Variants in ENTPD4 observed in about 807,000 individuals in gnomAD.
The protein encoded by ENTPD4 is Golgi UDPase.
In ENTPD4, 60 loss-of-function variants were observed where a neutral mutation model predicts 79.1. The ratio of observed to expected loss-of-function variants is 0.76; its 90% CI spans 0.62 to 0.94. The LOEUF (loss-of-function observed/expected upper bound fraction) is 0.94, where lower values mean the gene tolerates loss of function less well. Among genes scored for constraint, ENTPD4 ranks in the 40% least tolerant of loss-of-function variants. ENTPD4 has a pLI of 0.00. For missense variants in ENTPD4, 772 were observed against 775.1 expected (o/e 1.00, Z 0.05); for synonymous variants, 276 against 292.0 (o/e 0.95, Z 0.56).
At chr8:23,433,569 A>G (rs1800500722) in intron 12 of ENTPD4, among the ~76,000 whole-genome samples, 1 of 152,186 alleles carries the variant, frequency 6.6e-6, no homozygotes, top group South Asian at 2.1e-4. Context: ...TGTCTCATCT[A>G]TCAGGTAACT....
chr8:23,441,452 C>G, intron 8 of ENTPD4, 117 bp downstream of exon 8: 4 of 1,503,776 alleles, frequency 2.7e-6, no homozygotes, highest in Non-Finnish European at 3.5e-6. Flanking sequence ...GGTTGAGAGG[C>G]GGCACCTCAG....
rs565281949 is a variant in ENTPD4, at chr8:23,433,067, G to A, written c.1710C>T (p.Cys570=). ...FVYNHYLFSG[C]FLVVLLAILL... ...GGATGGCCAGCAGCACCACCAGGAA[G>A]CAGCCAGAGAACAGGTAGTGGTTGT... is the stretch of plus-strand genomic sequence containing the variant. The change falls in exon 13 of 13, where the codon TGC becomes TGT. Residue 570 remains cysteine (C), a synonymous_variant. Coordinates refer to ENST00000358689, the MANE Select transcript of ENTPD4 (RefSeq NM_004901.5). 125 of 1,614,190 alleles carry A rather than the reference G, an allele frequency of 7.7e-5. 1 individual carries two copies. The South Asian group carries it at 1.3e-3, about 16-fold the overall frequency.
intron 1 of ENTPD4, among the ~76,000 whole-genome samples, chr8:23,451,858 A>G (rs1800868583): frequency 6.6e-6 from 1 of 152,302 alleles, no homozygotes; most frequent in African/African-American, 2.4e-5. Flanking sequence ...CACCTGATCA[A>G]TAACTGCAAT....
In ENTPD4 at chr8:23,432,508, T is replaced by G; in HGVS notation, c.*418A>C. ...AGCAGGGCTTATAAACAATGCATTTTTTTTTTTTGAGACGGAGTCTCACTC... is the reference window on the plus strand; with the variant it reads ...AGCAGGGCTTATAAACAATGCATTTGTTTTTTTTGAGACGGAGTCTCACTC... On this transcript the variant is annotated 3_prime_UTR_variant, in exon 13 of 13. Transcript: ENST00000358689. The G allele has an allele frequency of 1.0e-6, 1 of 991,644 alleles. No homozygotes were observed. The highest frequency in any genetic ancestry group is 1.2e-6 in the Non-Finnish European group (1 of 834,072). The allele number at this position is 991,644 out of a possible 1,614,324, so 61.4% of individuals were successfully genotyped here.
intron 12 of ENTPD4, 131 bp from the exon 13 acceptor site, chr8:23,433,285 G>C: frequency 2.9e-6 from 2 of 694,758 alleles, no homozygotes; most frequent in Admixed American, 5.2e-5. Context: ...CTCTGAAATG[G>C]AGAACGGAAC....
intron 8 of ENTPD4, chr8:23,441,307 C>A (rs1800664292): frequency 2.2e-6 from 1 of 449,618 alleles, no homozygotes; most frequent in Non-Finnish European, 2.9e-6. Context: ...AAAATATAAA[C>A]TGAAACTCAA....
chr8:23,439,876 C>A lies in ENTPD4; in HGVS notation c.922G>T (p.Gly308Ter). The change falls in exon 9 of 13, where the codon GGA becomes TGA. Residue 308 changes from glycine (G) to a stop codon, truncating the protein, a stop_gained. Transcript: ENST00000358689. LOFTEE classifies it high-confidence loss of function. ...AKNLLAEFNL[G>*]CDVHQTEHVY... ...TGCTCAGTTTGGTGAACATCACATC[C>A]CAAGTTAAATTCAGCTAACAAGTTT... 6.2e-7 allele frequency: 1 copy of A among 1,614,094 alleles called. No individual in the cohort carries two copies. Among genetic ancestry groups the A allele is most frequent in the Non-Finnish European group, 8.5e-7 (1 of 1,179,972 alleles).
At position 23,448,941 on chromosome 8, in the gene ENTPD4, T is replaced by C. The variant is rs200226539; in HGVS notation, c.9-2A>G. 1.2e-6 allele frequency: 2 copies of C among 1,611,326 alleles called. No individual in the cohort carries two copies. The highest frequency in any genetic ancestry group is 1.3e-5 in the African/African-American group (1 of 74,856). Reference sequence around the variant, plus strand: ...GGAAAAAGACAGGAGATGCCAATCCTGAAATTAGAAGGAAAAAGATTTTAA... The same window carrying C: ...GGAAAAAGACAGGAGATGCCAATCCCGAAATTAGAAGGAAAAAGATTTTAA... On this transcript the variant is annotated splice_acceptor_variant, in intron 2 of 12. Transcript: ENST00000358689. LOFTEE classifies it high-confidence loss of function.
rs1367361535 is a variant in ENTPD4, at chr8:23,433,130, T to C, written c.1647A>G (p.Arg549=). 5 of 1,614,026 alleles carry C rather than the reference T, an allele frequency of 3.1e-6. No individual in the cohort carries two copies. In the Admixed American group the frequency reaches 8.3e-5, roughly 27 times the overall value. ...CGCCCCGCCAGTGGGTGTGACTGGC[T>C]CGGAAGGCCTCCTGCTGGATGTCTC... ...PLRDIQQEAF[R]ASHTHWRGVS... is the part of the protein sequence containing the mutation. Residue 549 remains arginine, a synonymous_variant, in exon 13 of 13, where the codon CGA becomes CGG. Transcript: ENST00000358689.
rs1800525852 is a variant in ENTPD4, at chr8:23,434,717, CATA to C, written c.1461-242_1461-240del. On this transcript the variant is annotated intron_variant, in intron 11 of 12. Transcript: ENST00000358689. ...AATCAGTGCATGAACCCGGTCTCGG[CATA>C]ATGTCATATATCCCTGAGATAGGTT... The C allele has an allele frequency of 2.2e-6, 3 of 1,338,426 alleles. 1 individual carries two copies. Among genetic ancestry groups the C allele is most frequent in the Middle Eastern group, 5.7e-4 (2 of 3,522 alleles). 82.9% of individuals were successfully genotyped at this position (1,338,426 alleles called of 1,614,324 possible).
rs1174555422 is a variant in ENTPD4 at position 23,432,853 on chromosome 8, G to A, written c.*73C>T. ...AAGGGAAAGAAAAAACAAAACCACA[G>A]GAAAATAAAGAGGAGAAACCCTGAG... On this transcript the variant is annotated 3_prime_UTR_variant, in exon 13 of 13. Transcript: ENST00000358689. 2 of 1,466,440 alleles carry A rather than the reference G, an allele frequency of 1.4e-6. No homozygotes were observed. Among genetic ancestry groups the A allele is most frequent in the Non-Finnish European group, 1.8e-6 (2 of 1,107,444 alleles). The allele number at this position is 1,466,440 out of a possible 1,614,324, so 90.8% of individuals were successfully genotyped here. A position where few individuals can be genotyped will look rare whatever the true frequency, so the allele number is the denominator to read the frequency against.
Position 23,429,527 on chromosome 8 carries a change from AT to A in ENTPD4, c.*3398del, listed in dbSNP as rs1216130656. ...CTGACCGCAGAGAATTCTAAAGCTG[AT>A]TTTTTTCTTAAAGGATGAAAAACTC... is the stretch of plus-strand genomic sequence containing the variant. On this transcript the variant is annotated 3_prime_UTR_variant, in exon 13 of 13. Transcript: ENST00000358689. 14 of 985,268 alleles carry A rather than the reference AT, an allele frequency of 1.4e-5. No individual in the cohort carries two copies. Among genetic ancestry groups the A allele is most frequent in the Admixed American group, 6.2e-5 (1 of 16,260 alleles). 61.0% of individuals were successfully genotyped at this position (985,268 alleles called of 1,614,324 possible). A position where few individuals can be genotyped will look rare whatever the true frequency, so the allele number is the denominator to read the frequency against.
chr8:23,440,886 C>T (rs918828241), intron 8 of ENTPD4, among the ~76,000 whole-genome samples: 2 of 152,236 alleles, frequency 1.3e-5, no homozygotes, highest in Non-Finnish European at 2.9e-5. Context: ...CCAGGCCTGT[C>T]TAGCTCCACG....
intron 10 of ENTPD4, 82 bp from the exon 11 acceptor site, chr8:23,435,559 T>C: frequency 1.0e-6 from 1 of 975,792 alleles, no homozygotes; most frequent in Non-Finnish European, 1.6e-6. Context: ...CAAATTTATA[T>C]TTGTAACAAG....
chr8:23,450,797 C>T (rs1441105044), intron 1 of ENTPD4, among the ~76,000 whole-genome samples: 1 of 152,170 alleles, frequency 6.6e-6, no homozygotes, highest in African/African-American at 2.4e-5. Context: ...CTCTTCTACA[C>T]TTTTTCAACA....
intron 5 of ENTPD4, 105 bp downstream of exon 5, chr8:23,444,351 A>AATGATG (rs957079818): frequency 4.0e-6 from 4 of 992,650 alleles, no homozygotes; most frequent in Non-Finnish European, 6.1e-6. Flanking sequence ...TTTTCCTTTC[A>AATGATG]ATGATGATGA....
At chr8:23,456,533 C>G (rs1038141394) in intron 1 of ENTPD4, among the ~76,000 whole-genome samples, 1 of 152,186 alleles carries the variant, frequency 6.6e-6, no homozygotes, top group African/African-American at 2.4e-5. Context: ...CCTCAAGGGC[C>G]TCAGTCACAC....
chr8:23,449,973 G>T lies in ENTPD4; in HGVS notation c.-73C>A. On this transcript the variant is annotated 5_prime_UTR_variant, in exon 2 of 13. Coordinates refer to ENST00000358689, the MANE Select transcript of ENTPD4 (RefSeq NM_004901.5). ...ACAAACAATTATAGAAATAATGCTG[G>T]GGTCCTCACGGAGTTAGAGCCCTCC... The T allele has an allele frequency of 6.2e-7, 1 of 1,604,838 alleles. No individual in the cohort carries two copies. The highest frequency in any genetic ancestry group is 1.7e-5 in the Admixed American group (1 of 59,976).
rs142298900 is a variant in ENTPD4, at chr8:23,437,132, A to C, written c.1176T>G (p.Phe392Leu). 7.9e-4 allele frequency: 1,273 copies of C among 1,614,204 alleles called. 2 individuals are homozygous for C. Among genetic ancestry groups the C allele is most frequent in the Non-Finnish European group, 9.8e-4 (1,162 of 1,180,010 alleles). The change falls in exon 10 of 13, where the codon TTT becomes TTG. Residue 392 changes from phenylalanine to leucine, a missense_variant. Coordinates refer to ENST00000358689, the MANE Select transcript of ENTPD4 (RefSeq NM_004901.5). ...GCTGGATAGTCTCTCGACACAGGTC[A>C]AAGTCTCCAGTCCCTCGTAGGTATA... ...QTIYLRGTGD[F>L]DLCRETIQPF...
Sources: gnomAD v4.1 joint callset for allele counts (sites outside exome capture counted in the v4.1 genomes callset) on GRCh38, gnomAD v4.1.1 for gene constraint, MANE v1.5 for transcripts, NCBI Gene and HGNC (gene_info 2026-07-23, HGNC 2026-07-21) for gene names.